The following PCNP variants were observed in gnomAD, a reference collection of about 807,000 sequenced individuals.
PCNP encodes the protein PEST proteolytic signal containing nuclear protein.
A neutral mutation model predicts 21.8 loss-of-function variants in PCNP; 6 were observed. That is an observed-to-expected ratio of 0.28 (90% CI 0.15 to 0.54). The LOEUF (loss-of-function observed/expected upper bound fraction) is 0.54. Among genes scored for constraint, PCNP ranks in the 20% least tolerant of loss-of-function variants. The pLI is 0.95. For missense variants in PCNP, 161 were observed against 215.5 expected (o/e 0.75, Z 1.58); for synonymous variants, 67 against 73.2 (o/e 0.92, Z 0.43).
chr3:101,581,503 G>A (rs907199559), intron 2 of PCNP, among the ~76,000 whole-genome samples: 1 of 151,782 alleles, frequency 6.6e-6, no homozygotes, highest in African/African-American at 2.4e-5. Flanking sequence ...GCACAATCTC[G>A]GCTCACTGCA....
chr3:101,591,729 G>C (rs1276489766), intron 4 of PCNP, among the ~76,000 whole-genome samples: 1 of 150,354 alleles, frequency 6.7e-6, no homozygotes, highest in East Asian at 1.9e-4. Context: ...TGGATTACAG[G>C]CAACAGGTTT....
At chr3:101,586,243 A>G (rs1267428115) in intron 3 of PCNP, among the ~76,000 whole-genome samples, 2 of 151,932 alleles carry the variant, frequency 1.3e-5, no homozygotes, top group Admixed American at 1.3e-4. Flanking sequence ...AGGGATAACA[A>G]TTCAATAGTG....
At chr3:101,591,722 A>G (rs1208592421) in intron 4 of PCNP, among the ~76,000 whole-genome samples, 1 of 147,550 alleles carries the variant, frequency 6.8e-6, no homozygotes, top group African/African-American at 2.5e-5. Context: ...CTGTTAATGG[A>G]TTACAGGCAA....
rs1254652179 is a variant in PCNP, at chr3:101,580,019, C to A, written c.279+15C>A. 5 of 1,582,906 alleles carry A rather than the reference C, an allele frequency of 3.2e-6. No homozygotes were observed. The highest frequency in any genetic ancestry group is 4.3e-6 in the Non-Finnish European group (5 of 1,151,642). The stretch of plus-strand genomic sequence containing the variant: ...TTGGATCAAGTGTGAGTTGTTATTT[C>A]ATATATGATGTTTGTAATGGGTCTT... On this transcript the variant is annotated intron_variant, in intron 2 of 4. Transcript: ENST00000265260.
rs1248490649 is a variant in PCNP, at chr3:101,574,309, G to A, written c.64+30G>A. 9 of 1,525,452 alleles carry A rather than the reference G, an allele frequency of 5.9e-6. No homozygotes were observed. In the East Asian group the frequency reaches 2.3e-4, roughly 39 times the overall value. The allele number at this position is 1,525,452 out of a possible 1,614,324, so 94.5% of individuals were successfully genotyped here. A position where few individuals can be genotyped will look rare whatever the true frequency, so the allele number is the denominator to read the frequency against. On this transcript the variant is annotated intron_variant, in intron 1 of 4. Coordinates refer to ENST00000265260, the MANE Select transcript of PCNP (RefSeq NM_020357.3). The stretch of plus-strand genomic sequence containing the variant: ...ACACAACCCCAGCGTCGTGGGCAGC[G>A]TGGGATGCTCCGGGCCTTTCTTTGA...
intron 3 of PCNP, chr3:101,589,898 C>T (rs1179156165): frequency 3.2e-5 from 8 of 252,196 alleles, no homozygotes; most frequent in Non-Finnish European, 4.5e-5. Context: ...CTCCCTCATG[C>T]GATTATGTTA....
At chr3:101,590,044 A>G in intron 3 of PCNP, 171 bp from the exon 4 acceptor site, 1 of 594,938 alleles carries the variant, frequency 1.7e-6, no homozygotes, top group Non-Finnish European at 3.0e-6. Flanking sequence ...GAAGACAGGC[A>G]TTTATTTTTT....
chr3:101,580,963 A>AG (rs1335227677), intron 2 of PCNP, among the ~76,000 whole-genome samples: 1 of 152,246 alleles, frequency 6.6e-6, no homozygotes, highest in African/African-American at 2.4e-5. Context: ...GTGCTATGAA[A>AG]GTTAATGCTC....
intron 3 of PCNP, among the ~76,000 whole-genome samples, chr3:101,588,041 G>C (rs1056002150): frequency 2.0e-5 from 3 of 152,206 alleles, no homozygotes; most frequent in Non-Finnish European, 4.4e-5. Flanking sequence ...GGGAGGCCGA[G>C]GCGGGTGGAT....
At chr3:101,575,946 A>G (rs763100194) in intron 1 of PCNP, among the ~76,000 whole-genome samples, 4 of 152,194 alleles carry the variant, frequency 2.6e-5, no homozygotes, top group African/African-American at 7.2e-5. Context: ...GAGTAAGTAA[A>G]TATCCCTTAA....
At chr3:101,583,188 G>A (rs1935319829) in intron 2 of PCNP, among the ~76,000 whole-genome samples, 1 of 152,190 alleles carries the variant, frequency 6.6e-6, no homozygotes, top group African/African-American at 2.4e-5. Flanking sequence ...TGGGCGCGGT[G>A]GCTCAGGCCT....
chr3:101,576,586 C>T (rs1481951395), intron 1 of PCNP: 15 of 1,610,968 alleles, frequency 9.3e-6, no homozygotes, highest in Non-Finnish European at 1.3e-5. Context: ...ACGCAGCCCT[C>T]TATGGGCCCG....
chr3:101,578,729 G>A (rs1355305107), intron 1 of PCNP, among the ~76,000 whole-genome samples: 2 of 152,070 alleles, frequency 1.3e-5, no homozygotes, highest in East Asian at 3.9e-4. Context: ...GTCAGTCTGT[G>A]TTCGACTTTT....
intron 3 of PCNP, among the ~76,000 whole-genome samples, chr3:101,586,914 T>C (rs571513407): frequency 6.6e-6 from 1 of 152,180 alleles, no homozygotes; most frequent in East Asian, 1.9e-4. Context: ...GAAGAATATA[T>C]ATGAAGTAGA....
chr3:101,591,775 T>G (rs897915165), intron 4 of PCNP, among the ~76,000 whole-genome samples: 5 of 148,108 alleles, frequency 3.4e-5, no homozygotes, highest in South Asian at 2.1e-4. Context: ...TGTTTTTTTT[T>G]TTTTTTTTTT....
rs143263886 is a variant in PCNP at position 101,591,547 on chromosome 3, G to A, written c.411-1080G>A. Among the ~76,000 whole-genome samples, 84 of 152,160 alleles carry A rather than the reference G, an allele frequency of 5.5e-4. No homozygotes were observed. The East Asian group carries it at 0.016, about 29-fold the overall frequency. Reference sequence around the variant, plus strand: ...GAAGTACATATGACGTTGTTGTCCCGCCTAAACACCCAGCACATATATTAA... The same window carrying A: ...GAAGTACATATGACGTTGTTGTCCCACCTAAACACCCAGCACATATATTAA... On this transcript the variant is annotated intron_variant, in intron 4 of 4. Transcript: ENST00000265260.
chr3:101,579,947 C>G lies in PCNP; in HGVS notation c.222C>G (p.Ala74=). ...KPTKISKFGF[A]IGSQTTKKAS... ...CAAAGATCTCCAAGTTTGGATTTGC[C>G]ATAGGTAGTCAGACGACAAAGAAAG... The change falls in exon 2 of 5, where the codon GCC becomes GCG. Residue 74 remains alanine (A), a synonymous_variant. Transcript: ENST00000265260. 6.2e-7 allele frequency: 1 copy of G among 1,614,004 alleles called. No individual in the cohort carries two copies. Among genetic ancestry groups the G allele is most frequent in the Non-Finnish European group, 8.5e-7 (1 of 1,179,894 alleles).
chr3:101,586,714 T>C (rs1935548241), intron 3 of PCNP, among the ~76,000 whole-genome samples: 1 of 151,510 alleles, frequency 6.6e-6, no homozygotes, highest in Non-Finnish European at 1.5e-5. Context: ...TCCTCCCACC[T>C]CAGCCCTCCA....
At chr3:101,589,947 G>A (rs1248059337) in intron 3 of PCNP, 7 of 388,676 alleles carry the variant, frequency 1.8e-5, no homozygotes, top group Admixed American at 4.5e-5. Context: ...ACAACACAAT[G>A]GGCAGCATTT....
Sources: allele counts gnomAD v4.1 joint callset (sites outside exome capture counted in the v4.1 genomes callset), GRCh38; gene constraint gnomAD v4.1.1; transcripts MANE v1.5; gene names NCBI Gene and HGNC (gene_info 2026-07-23, HGNC 2026-07-21).